The following GNG12 variants were observed in gnomAD, a reference collection of about 807,000 sequenced individuals.
GNG12 encodes G protein subunit gamma 12.
For synonymous variants in GNG12, 28 were observed against 29.7 expected (o/e 0.94, Z 0.19); for missense variants, 69 against 83.8 (o/e 0.82, Z 0.69).
At position 67,765,533 on chromosome 1, in the gene GNG12, C is replaced by T. The variant is rs554776648; in HGVS notation, c.-27+11925G>A. Among the ~76,000 whole-genome samples the T allele has an allele frequency of 4.6e-5, 7 of 152,254 alleles. No homozygotes were observed. In the South Asian group the frequency reaches 1.0e-3, roughly 23 times the overall value. On this transcript the variant is annotated intron_variant, in intron 2 of 3. Transcript: ENST00000370982. ...TAAAAGCAGCTGAATAATCAACAAA[C>T]GCTTAACAAAGGTGTTAGAACAAGA...
chr1:67,805,744 A>C (rs1166648489), intron 1 of GNG12, among the ~76,000 whole-genome samples: 1 of 152,104 alleles, frequency 6.6e-6, no homozygotes, highest in Non-Finnish European at 1.5e-5. Context: ...ATCTGAGGCA[A>C]TAATGACTGA....
At chr1:67,776,913 C>T (rs532585456) in intron 2 of GNG12, among the ~76,000 whole-genome samples, 3 of 152,240 alleles carry the variant, frequency 2.0e-5, no homozygotes, top group East Asian at 1.9e-4. Context: ...TATGAAGCCC[C>T]GGAAGCTTTC....
chr1:67,779,421 T>A (rs1011979674), intron 1 of GNG12, among the ~76,000 whole-genome samples: 1 of 152,166 alleles, frequency 6.6e-6, no homozygotes. Context: ...CTCTAGGTTT[T>A]AGGATCAAGG....
At chr1:67,808,359 G>A (rs11485643) in intron 1 of GNG12, among the ~76,000 whole-genome samples, 1,639 of 152,168 alleles carry the variant, frequency 0.011, 30 homozygotes, top group African/African-American at 0.038. Flanking sequence ...TTAATAGTGA[G>A]TAACTTGGAG....
intron 2 of GNG12, among the ~76,000 whole-genome samples, chr1:67,727,830 T>C (rs1411467208): frequency 6.6e-6 from 1 of 152,240 alleles, no homozygotes; most frequent in Non-Finnish European, 1.5e-5. Context: ...TTTCTACTTG[T>C]GGTCTTGCAT....
chr1:67,724,129 G>A (rs1646372250), intron 2 of GNG12, among the ~76,000 whole-genome samples: 1 of 152,152 alleles, frequency 6.6e-6, no homozygotes, highest in African/African-American at 2.4e-5. Context: ...GAGATGGTTG[G>A]CACTGGAGCA....
chr1:67,800,743 C>A (rs1461659628), intron 1 of GNG12, among the ~76,000 whole-genome samples: 1 of 152,070 alleles, frequency 6.6e-6, no homozygotes, highest in Admixed American at 6.5e-5. Flanking sequence ...GTTTAATTAG[C>A]AGTTTTATCC....
intron 1 of GNG12, among the ~76,000 whole-genome samples, chr1:67,783,906 G>A (rs1240603798): frequency 6.7e-6 from 1 of 149,750 alleles, no homozygotes; most frequent in Admixed American, 6.6e-5. Flanking sequence ...AAGTCAGTGT[G>A]GCGATTCCTC....
At chr1:67,710,297 T>C (rs963183342) in intron 2 of GNG12, among the ~76,000 whole-genome samples, 16 of 144,796 alleles carry the variant, frequency 1.1e-4, no homozygotes, top group South Asian at 6.4e-4. Flanking sequence ...CCCTTCCAAC[T>C]GGCGCTGGTT....
rs542841937 is a variant in GNG12, at chr1:67,722,570, T to A, written c.-26-14858A>T. ...CCAGAAGACAGATGGAGGAGAGAGG[T>A]CTTAAATGAGTCAATCCTTGAAGGG... On this transcript the variant is annotated intron_variant, in intron 2 of 3. Coordinates refer to ENST00000370982, the MANE Select transcript of GNG12 (RefSeq NM_018841.6). Among the ~76,000 whole-genome samples the A allele has an allele frequency of 4.7e-5, 7 of 148,636 alleles. No individual in the cohort carries two copies. In the East Asian group the frequency reaches 1.4e-3, roughly 30 times the overall value.
intron 1 of GNG12, among the ~76,000 whole-genome samples, chr1:67,779,951 A>G (rs184632203): frequency 1.1e-4 from 17 of 152,274 alleles, no homozygotes; most frequent in Admixed American, 3.9e-4. Context: ...TTGTGTATCT[A>G]AACATAGAAA....
chr1:67,770,918 G>C (rs1226129209), intron 2 of GNG12, among the ~76,000 whole-genome samples: 1 of 152,104 alleles, frequency 6.6e-6, no homozygotes, highest in South Asian at 2.1e-4. Flanking sequence ...AATACTGACT[G>C]TTTATAGACC....
chr1:67,784,426 C>T (rs898996767), intron 1 of GNG12, among the ~76,000 whole-genome samples: 2 of 150,926 alleles, frequency 1.3e-5, no homozygotes, highest in African/African-American at 2.4e-5. Flanking sequence ...TGTAACTAAC[C>T]TGCACAATGT....
intron 1 of GNG12, among the ~76,000 whole-genome samples, chr1:67,826,820 T>C (rs768954335): frequency 6.6e-6 from 1 of 152,220 alleles, no homozygotes; most frequent in Non-Finnish European, 1.5e-5. Flanking sequence ...AAAAACCTTA[T>C]GTTTTTCCTC....
At chr1:67,777,562 G>T in intron 1 of GNG12, 55 bp from the exon 2 acceptor site, 1 of 317,932 alleles carries the variant, frequency 3.1e-6, no homozygotes, top group Non-Finnish European at 4.6e-6. Context: ...GAAAGGGTGT[G>T]CTTTCGATCC....
intron 2 of GNG12, among the ~76,000 whole-genome samples, chr1:67,709,901 TTTTTATATAGTTATATATATAG>T (rs1646273343): frequency 1.9e-5 from 2 of 103,708 alleles, no homozygotes; most frequent in African/African-American, 9.6e-5. Context: ...TATATATATA[TTTTTATATAGTTATATATATAG>T]TTATATATAT....
Position 67,770,912 on chromosome 1 carries a change from C to T in GNG12, c.-27+6546G>A, listed in dbSNP as rs534840292. ...GGGAAGTCCTCCCTTGGAATGAATA[C>T]TGACTGTTTATAGACCAAAAAGGGC... is the stretch of plus-strand genomic sequence containing the variant. On this transcript the variant is annotated intron_variant, in intron 2 of 3. Transcript: ENST00000370982. 4.1e-4 allele frequency among the ~76,000 whole-genome samples: 63 copies of T among 152,206 alleles called. No homozygotes were observed. In the South Asian group the frequency reaches 0.013, roughly 31 times the overall value.
At chr1:67,790,431 C>T (rs1570551361) in intron 1 of GNG12, among the ~76,000 whole-genome samples, 1 of 152,282 alleles carries the variant, frequency 6.6e-6, no homozygotes. Context: ...CTGTCATCCA[C>T]TATACCACAG....
At chr1:67,805,417 A>C (rs1646889526) in intron 1 of GNG12, among the ~76,000 whole-genome samples, 1 of 152,242 alleles carries the variant, frequency 6.6e-6, no homozygotes, top group Non-Finnish European at 1.5e-5. Flanking sequence ...AAGATTAATA[A>C]GCTAAGGGCT....
Sources: gnomAD v4.1 joint callset for allele counts (sites outside exome capture counted in the v4.1 genomes callset) on GRCh38, gnomAD v4.1.1 for gene constraint, MANE v1.5 for transcripts, NCBI Gene and HGNC (gene_info 2026-07-23, HGNC 2026-07-21) for gene names.